The following APP variants were observed in gnomAD, a reference collection of about 807,000 sequenced individuals.
APP encodes amyloid-beta precursor protein.
In APP, 31 loss-of-function variants were observed where a neutral mutation model predicts 101.4. The ratio of observed to expected loss-of-function variants is 0.31; its 90% CI spans 0.23 to 0.41. APP has a LOEUF of 0.41. APP is among the 10% of genes least tolerant of loss of function. The pLI is 1.00. For synonymous variants in APP, 366 were observed against 364.4 expected (o/e 1.00, Z -0.05); for missense variants, 839 against 1,003.7 (o/e 0.84, Z 2.22).
intron 6 of APP, among the ~76,000 whole-genome samples, chr21:26,004,523 A>ACCT (rs1201344918): frequency 6.6e-6 from 1 of 151,878 alleles, no homozygotes; most frequent in African/African-American, 2.4e-5. Flanking sequence ...CGATCTCCTG[A>ACCT]CCTCATGATC....
intron 5 of APP, among the ~76,000 whole-genome samples, chr21:26,033,092 A>G (rs994257277): frequency 6.6e-6 from 1 of 152,236 alleles, no homozygotes; most frequent in Non-Finnish European, 1.5e-5. Flanking sequence ...GACACTGTAG[A>G]AACAGGGAAT....
At chr21:26,017,063 G>A (rs766232112) in intron 6 of APP, among the ~76,000 whole-genome samples, 10 of 151,606 alleles carry the variant, frequency 6.6e-5, no homozygotes, top group Non-Finnish European at 1.3e-4. Flanking sequence ...GCCGGGCATC[G>A]TGGCAGGCAC....
intron 15 of APP, among the ~76,000 whole-genome samples, chr21:25,904,714 G>A (rs573987949): frequency 5.3e-5 from 8 of 151,028 alleles, no homozygotes; most frequent in East Asian, 1.9e-4. Context: ...GTATATAATC[G>A]TCTCTGTTTT....
intron 6 of APP, among the ~76,000 whole-genome samples, chr21:26,005,494 G>C (rs954592325): frequency 6.6e-6 from 1 of 152,096 alleles, no homozygotes; most frequent in Non-Finnish European, 1.5e-5. Flanking sequence ...CTCTTTACTT[G>C]ACTCAGAGAT....
chr21:25,958,840 A>T (rs1047518418), intron 11 of APP, among the ~76,000 whole-genome samples: 5 of 152,144 alleles, frequency 3.3e-5, no homozygotes, highest in African/African-American at 1.2e-4. Flanking sequence ...CTTCTGAATG[A>T]GACAGTATAT....
At chr21:26,094,008 C>T (rs923440410) in intron 2 of APP, among the ~76,000 whole-genome samples, 1 of 151,822 alleles carries the variant, frequency 6.6e-6, no homozygotes, top group East Asian at 1.9e-4. Context: ...CCCAGCTACT[C>T]CGGAGGCTGA....
chr21:25,946,119 A>C, intron 13 of APP: 1 of 287,142 alleles, frequency 3.5e-6, no homozygotes, highest in Non-Finnish European at 7.0e-6. Flanking sequence ...AAACTACAAA[A>C]CTCTTAGAAG....
intron 15 of APP, among the ~76,000 whole-genome samples, chr21:25,900,653 G>C (rs2146278456): frequency 6.6e-6 from 1 of 152,222 alleles, no homozygotes; most frequent in Middle Eastern, 3.4e-3. Context: ...ACAGTTTGAA[G>C]AGTCTTCCCT....
At chr21:25,947,693 G>T (rs549300062) in intron 13 of APP, among the ~76,000 whole-genome samples, 1 of 152,198 alleles carries the variant, frequency 6.6e-6, no homozygotes, top group African/African-American at 2.4e-5. Flanking sequence ...CAAGGCTTTG[G>T]TTGTTGATAA....
chr21:26,124,874 T>A (rs1320020854), intron 1 of APP, among the ~76,000 whole-genome samples: 2 of 152,248 alleles, frequency 1.3e-5, no homozygotes, highest in Non-Finnish European at 2.9e-5. Context: ...AGTGAACATA[T>A]TCAAAGTTGG....
intron 4 of APP, among the ~76,000 whole-genome samples, chr21:26,052,108 C>T (rs1041599533): frequency 6.6e-6 from 1 of 152,168 alleles, no homozygotes; most frequent in Non-Finnish European, 1.5e-5. Flanking sequence ...TTATAAGAGG[C>T]ATAAAATAAT....
chr21:26,082,491 C>T (rs930237105), intron 3 of APP, among the ~76,000 whole-genome samples: 1 of 151,996 alleles, frequency 6.6e-6, no homozygotes, highest in Non-Finnish European at 1.5e-5. Context: ...TGGATATAAA[C>T]TTTAAAATTA....
intron 3 of APP, among the ~76,000 whole-genome samples, chr21:26,066,490 C>T (rs1281040587): frequency 2.0e-5 from 3 of 151,782 alleles, no homozygotes; most frequent in African/African-American, 7.3e-5. Context: ...TCCCCATTCC[C>T]CCACCTCCAC....
chr21:26,050,433 T>C (rs1179423748), intron 5 of APP, among the ~76,000 whole-genome samples: 5 of 151,786 alleles, frequency 3.3e-5, no homozygotes, highest in Non-Finnish European at 7.4e-5. Flanking sequence ...GGGACTAAGC[T>C]CCCTAAGAAA....
intron 6 of APP, among the ~76,000 whole-genome samples, chr21:26,002,517 A>G (rs2043344415): frequency 6.6e-6 from 1 of 152,242 alleles, no homozygotes; most frequent in Non-Finnish European, 1.5e-5. Flanking sequence ...TTCATGTCAC[A>G]TGCTCTTTAA....
At chr21:26,022,105 A>G in intron 5 of APP, 63 bp from the exon 6 acceptor site, 1 of 1,578,816 alleles carries the variant, frequency 6.3e-7, no homozygotes, top group Non-Finnish European at 8.7e-7. Flanking sequence ...AAGGAAAAGA[A>G]AAGTCGTCCA....
At chr21:26,140,415 G>A (rs1026495006) in intron 1 of APP, 56 of 1,359,592 alleles carry the variant, frequency 4.1e-5, no homozygotes, top group Non-Finnish European at 4.6e-5. Flanking sequence ...CGCACACTGC[G>A]CCAACTTCTA....
chr21:26,045,114 A>G (rs1045418920), intron 5 of APP, among the ~76,000 whole-genome samples: 2 of 152,064 alleles, frequency 1.3e-5, no homozygotes, highest in Admixed American at 1.3e-4. Flanking sequence ...AAAAAGGGGG[A>G]AAAAAAGACT....
chr21:25,899,701 T>C (rs982690670), intron 15 of APP, among the ~76,000 whole-genome samples: 4 of 152,186 alleles, frequency 2.6e-5, no homozygotes, highest in African/African-American at 4.8e-5. Flanking sequence ...GCCAGAACCA[T>C]CCAGCTAAAC....
Sources: gnomAD v4.1 joint callset for allele counts (sites outside exome capture counted in the v4.1 genomes callset) on GRCh38, gnomAD v4.1.1 for gene constraint, MANE v1.5 for transcripts, NCBI Gene and HGNC (gene_info 2026-07-23, HGNC 2026-07-21) for gene names.